SRFBP1: variants seen among roughly 807,000 people sequenced by gnomAD.
SRFBP1 encodes serum response factor binding protein 1.
A neutral mutation model predicts 45.5 loss-of-function variants in SRFBP1; 47 were observed. The ratio of observed to expected loss-of-function variants is 1.03; its 90% confidence interval spans 0.82 to 1.32. SRFBP1 has a LOEUF of 1.32. Ranked by LOEUF, SRFBP1 falls within the 40% of genes most tolerant of loss-of-function variation. SRFBP1 has a pLI of 0.00. For missense variants in SRFBP1, 621 were observed against 484.6 expected, an observed-to-expected ratio of 1.28 and a Z score of -2.64; for synonymous variants, 203 against 166.3, an observed-to-expected ratio of 1.22 and a Z score of -1.70.
intron 4 of SRFBP1, among the ~76,000 whole-genome samples, chr5:122,011,994 A>G (rs1753103952): frequency 6.6e-6 from 1 of 152,194 alleles, no homozygotes; most frequent in African/African-American, 2.4e-5. Context: ...TACGCAATTT[A>G]TAGTGTAAAA....
At chr5:121,997,891 TG>T (rs1161055742) in intron 4 of SRFBP1, among the ~76,000 whole-genome samples, 1 of 149,474 alleles carries the variant, frequency 6.7e-6, no homozygotes, top group Non-Finnish European at 1.5e-5. Flanking sequence ...AAGACATTTA[TG>T]CAGCCAAAAA....
rs776987918 is a variant in SRFBP1, at chr5:121,975,304, A to G, written c.126-11A>G. 29 of 1,612,686 alleles carry G rather than the reference A, an allele frequency of 1.8e-5. No individual in the cohort carries two copies. Among genetic ancestry groups the G allele is most frequent in the Non-Finnish European group, 2.0e-5 (23 of 1,179,010 alleles). On this transcript the variant is annotated splice_polypyrimidine_tract_variant and intron_variant, in intron 2 of 7. Transcript: ENST00000339397. ...TTTGCCTGGCTACATATCGTAATGT[A>G]TTTTTTGCAGGGGTACTGAAGATGC... is the stretch of plus-strand genomic sequence containing the variant.
chr5:121,995,233 A>T (rs1483678458), intron 4 of SRFBP1, among the ~76,000 whole-genome samples: 1 of 151,728 alleles, frequency 6.6e-6, no homozygotes. Flanking sequence ...ACCACACCAC[A>T]CCTATTCCAA....
chr5:121,986,345 A>T (rs1337230737), intron 3 of SRFBP1, among the ~76,000 whole-genome samples: 1 of 152,014 alleles, frequency 6.6e-6, no homozygotes, highest in East Asian at 1.9e-4. Context: ...AATGGGATTG[A>T]TGTAATTGGG....
intron 4 of SRFBP1, among the ~76,000 whole-genome samples, chr5:122,006,505 C>T (rs1408171300): frequency 1.3e-5 from 2 of 152,102 alleles, no homozygotes; most frequent in Admixed American, 6.6e-5. Flanking sequence ...TTTTTCTCTT[C>T]CCCTTCACAA....
chr5:122,042,793 C>T (rs764549064), intron 2 of SRFBP1, among the ~76,000 whole-genome samples: 1 of 152,008 alleles, frequency 6.6e-6, no homozygotes, highest in Admixed American at 6.6e-5. Flanking sequence ...CCTGTTTTCT[C>T]GATTTTCCTT....
At chr5:122,062,876 G>A (rs112770585) in intron 2 of SRFBP1, among the ~76,000 whole-genome samples, 6,777 of 152,048 alleles carry the variant, frequency 0.045, 457 homozygotes, top group African/African-American at 0.14. Flanking sequence ...GTGTGTGTGT[G>A]TATGTGTGTG....
chr5:122,067,870 T>C (rs80203898), intron 2 of SRFBP1, among the ~76,000 whole-genome samples: 5,454 of 151,994 alleles, frequency 0.036, 365 homozygotes, highest in African/African-American at 0.12. Context: ...TTCAAATGTA[T>C]CCTAAAGTCA....
intron 2 of SRFBP1, among the ~76,000 whole-genome samples, chr5:122,062,772 C>A (rs570171572): frequency 6.6e-6 from 1 of 152,074 alleles, no homozygotes; most frequent in African/African-American, 2.4e-5. Flanking sequence ...TCTCATGTTA[C>A]CAGATTTCAG....
chr5:121,976,229 A>C (rs1467174443), intron 3 of SRFBP1, among the ~76,000 whole-genome samples: 1 of 152,014 alleles, frequency 6.6e-6, no homozygotes, highest in Non-Finnish European at 1.5e-5. Context: ...TATCCCAGTT[A>C]ATCTGAATAA....
At chr5:121,991,322 T>TA (rs768231168) in intron 3 of SRFBP1, among the ~76,000 whole-genome samples, 224 of 151,462 alleles carry the variant, frequency 1.5e-3, no homozygotes, top group Middle Eastern at 3.4e-3. Flanking sequence ...CCTACAGTGA[T>TA]AAAAAAAAAG....
At chr5:122,017,798 T>C (rs1753220431) in intron 4 of SRFBP1, among the ~76,000 whole-genome samples, 2 of 152,366 alleles carry the variant, frequency 1.3e-5, no homozygotes, top group South Asian at 4.1e-4. Context: ...TATATTTGAC[T>C]GTTCACAATG....
chr5:122,013,216 A>C (rs1011122939), intron 4 of SRFBP1, among the ~76,000 whole-genome samples: 1 of 152,120 alleles, frequency 6.6e-6, no homozygotes, highest in Non-Finnish European at 1.5e-5. Flanking sequence ...TTTTGAATAT[A>C]TTTTGTTAAG....
intron 4 of SRFBP1, among the ~76,000 whole-genome samples, chr5:121,997,013 G>T (rs1457303846): frequency 9.0e-6 from 1 of 111,698 alleles, no homozygotes; most frequent in Non-Finnish European, 1.8e-5. Flanking sequence ...GGAAATAAAA[G>T]AGGATACAAA....
chr5:122,022,471 A>T, intron 7 of SRFBP1, 64 bp downstream of exon 7: 1 of 1,442,190 alleles, frequency 6.9e-7, no homozygotes, highest in Non-Finnish European at 9.5e-7. Context: ...GAGTAAAAGA[A>T]TGAGAAATTG....
At chr5:121,962,526 CTGTA>C (rs1449286045) in intron 1 of SRFBP1, among the ~76,000 whole-genome samples, 1 of 152,218 alleles carries the variant, frequency 6.6e-6, no homozygotes, top group Non-Finnish European at 1.5e-5. Context: ...TTGAATGAGA[CTGTA>C]TGCTCAGTAC....
At chr5:122,075,751 T>C (rs1225053113), downstream of SRFBP1, among the ~76,000 whole-genome samples, 1 of 152,180 alleles carries the variant, frequency 6.6e-6, no homozygotes, top group African/African-American at 2.4e-5. Flanking sequence ...GCTCAATGAA[T>C]ATTTGGTGAA....
At chr5:122,023,215 C>T (rs1336767731) in intron 7 of SRFBP1, among the ~76,000 whole-genome samples, 1 of 152,176 alleles carries the variant, frequency 6.6e-6, no homozygotes, top group Non-Finnish European at 1.5e-5. Context: ...ATTTCGTGAA[C>T]ACATAACTTT....
chr5:121,988,711 C>T (rs1044519234), intron 3 of SRFBP1, among the ~76,000 whole-genome samples: 1 of 152,198 alleles, frequency 6.6e-6, no homozygotes, highest in African/African-American at 2.4e-5. Context: ...ACATTGTTAA[C>T]ATAAACTCTC....
Sources: allele counts gnomAD v4.1 joint callset (sites outside exome capture counted in the v4.1 genomes callset), GRCh38; gene constraint gnomAD v4.1.1; transcripts MANE v1.5; gene names NCBI Gene and HGNC (gene_info 2026-07-23, HGNC 2026-07-21).